NFIB: variants seen among roughly 807,000 people sequenced by gnomAD.
NFIB encodes nuclear factor 1 B-type.
Under a neutral mutation model 61.5 loss-of-function variants are expected in NFIB, and 11 were observed. The observed-to-expected ratio is 0.18, with a 90% confidence interval of 0.11 to 0.30. The LOEUF is 0.30. Among genes scored for constraint, NFIB ranks in the 10% least tolerant of loss-of-function variants. The pLI is 1.00. For missense variants in NFIB, 471 were observed against 608.9 expected, an observed-to-expected ratio of 0.77 and a Z score of 2.38; for synonymous variants, 260 against 216.5, an observed-to-expected ratio of 1.20 and a Z score of -1.76.
intron 2 of NFIB, among the ~76,000 whole-genome samples, chr9:14,231,216 G>C (rs1344904260): frequency 1.4e-5 from 2 of 144,968 alleles, no homozygotes; most frequent in African/African-American, 5.1e-5. Context: ...AAGCATGCTG[G>C]GAGAATTCAC....
intron 1 of NFIB, among the ~76,000 whole-genome samples, chr9:14,372,565 T>G (rs2132975547): frequency 6.6e-6 from 1 of 152,354 alleles, no homozygotes; most frequent in Non-Finnish European, 1.5e-5. Context: ...AAAGCTAGCC[T>G]TATTCTCTAA....
the NFIB span, among the ~76,000 whole-genome samples, chr9:14,447,852 C>T: frequency 2.6e-5 from 4 of 152,120 alleles, no homozygotes; most frequent in South Asian, 8.3e-4. Flanking sequence ...GCTGAAAGTT[C>T]TTTTCTTTTT....
chr9:14,455,915 G>T, the NFIB span, among the ~76,000 whole-genome samples: 3 of 152,118 alleles, frequency 2.0e-5, no homozygotes, highest in African/African-American at 7.2e-5. Context: ...ATCAATGGGA[G>T]AGTTTTGAAA....
chr9:14,147,838 T>C (rs1055147719), intron 5 of NFIB, among the ~76,000 whole-genome samples: 1 of 151,848 alleles, frequency 6.6e-6, no homozygotes, highest in Non-Finnish European at 1.5e-5. Flanking sequence ...GATGGGGTTT[T>C]GCTATTTTGC....
intron 2 of NFIB, among the ~76,000 whole-genome samples, chr9:14,198,748 A>T (rs2890984): frequency 0.87 from 132,064 of 152,252 alleles, 57,492 homozygotes; most frequent in South Asian, 0.93. Flanking sequence ...CCAGTGTACA[A>T]GGGACTTGGC....
intron 2 of NFIB, among the ~76,000 whole-genome samples, chr9:14,253,978 C>A (rs36008893): frequency 0.031 from 4,720 of 152,252 alleles, 105 homozygotes; most frequent in Non-Finnish European, 0.049. Context: ...CAGCACTTGA[C>A]AAAACCCGTC....
At chr9:14,507,695 C>G in the NFIB span, among the ~76,000 whole-genome samples, 2 of 152,128 alleles carry the variant, frequency 1.3e-5, no homozygotes, top group Non-Finnish European at 2.9e-5. Context: ...GCGCAAGGAA[C>G]TGGCAGAGTG....
intron 2 of NFIB, among the ~76,000 whole-genome samples, chr9:14,287,314 C>T (rs965251044): frequency 3.3e-5 from 5 of 150,134 alleles, no homozygotes; most frequent in Non-Finnish European, 5.9e-5. Context: ...ACCTGTAGTC[C>T]CAGCTACTAG....
At chr9:14,339,568 T>C (rs2060925914) in intron 1 of NFIB, among the ~76,000 whole-genome samples, 1 of 152,228 alleles carries the variant, frequency 6.6e-6, no homozygotes, top group South Asian at 2.1e-4. Context: ...GCAACACCTC[T>C]AAATTTACTA....
At chr9:14,515,548 TG>T in the NFIB span, among the ~76,000 whole-genome samples, 2 of 152,102 alleles carry the variant, frequency 1.3e-5, no homozygotes, top group Non-Finnish European at 2.9e-5. Context: ...CAGAGTCACC[TG>T]GGGCCTCACC....
intron 2 of NFIB, among the ~76,000 whole-genome samples, chr9:14,286,168 T>C (rs1045939458): frequency 6.6e-6 from 1 of 152,176 alleles, no homozygotes; most frequent in African/African-American, 2.4e-5. Context: ...CACATTCTAT[T>C]ATTCTTTAAT....
intron 2 of NFIB, among the ~76,000 whole-genome samples, chr9:14,261,396 G>A (rs1471775382): frequency 6.6e-6 from 1 of 152,182 alleles, no homozygotes. Context: ...CAAACCTTTT[G>A]TTTGAAGATA....
Position 14,287,353 on chromosome 9 carries a change from C to A in NFIB, c.562+19636G>T, listed in dbSNP as rs2064855871. On this transcript the variant is annotated intron_variant, in intron 2 of 10. Transcript: ENST00000380953. ...GGCTGAGGCAGGAGAATGGTGTGAA[C>A]CCGGGAGGCGGCTTGCAGTGAGCTG... Among the ~76,000 whole-genome samples, 3 of 36,642 alleles carry A rather than the reference C, an allele frequency of 8.2e-5. No individual in the cohort carries two copies. In the South Asian group the frequency reaches 3.6e-3, roughly 45 times the overall value. The allele number at this position is 36,642 out of a possible 152,430, so 24.0% of individuals were successfully genotyped here. A position where few individuals can be genotyped will look rare whatever the true frequency, so the allele number is the denominator to read the frequency against.
intron 2 of NFIB, among the ~76,000 whole-genome samples, chr9:14,296,220 T>C (rs115118560): frequency 3.2e-4 from 49 of 152,366 alleles, no homozygotes; most frequent in African/African-American, 1.1e-3. Context: ...TCATATATAG[T>C]AGTAATTGCT....
At position 14,307,794 on chromosome 9, in the gene NFIB, A is replaced by T; in HGVS notation, c.31-274T>A. ...ATATTTTGTATTACACTCTGGCCCC[A>T]TCCCCCTTGTTTCCACCCCAATGCC... On this transcript the variant is annotated intron_variant, in intron 1 of 10. Transcript: ENST00000380953. The surrounding 1 kb of genome is among the most constrained non-coding windows in gnomAD (Gnocchi z 5.3). The T allele has an allele frequency of 3.4e-6, 1 of 293,630 alleles. No individual in the cohort carries two copies. The highest frequency in any genetic ancestry group is 7.6e-5 in the South Asian group (1 of 13,098). 18.2% of individuals were successfully genotyped at this position (293,630 alleles called of 1,614,324 possible).
In NFIB at chr9:14,082,668, GT is replaced by G. The variant is rs35029845; in HGVS notation, c.*5640del. The G allele has an allele frequency of 0.01, 1,772 of 173,022 alleles. 5 individuals carry two copies. Among genetic ancestry groups the G allele is most frequent in the East Asian group, 0.026 (273 of 10,694 alleles). The allele number at this position is 173,022 out of a possible 1,614,324, so 10.7% of individuals were successfully genotyped here. A position where few individuals can be genotyped will look rare whatever the true frequency, so the allele number is the denominator to read the frequency against. On this transcript the variant is annotated 3_prime_UTR_variant, in exon 11 of 11. Coordinates refer to ENST00000380953, the MANE Select transcript of NFIB (RefSeq NM_001190737.2). Reference sequence around the variant, plus strand: ...GAGTTTTTTGGTAAACATTTTGCTGGTTTTTTTTTTTTGTTTGTTTCTTTCT... The same window carrying G: ...GAGTTTTTTGGTAAACATTTTGCTGGTTTTTTTTTTTGTTTGTTTCTTTCT...
chr9:14,390,625 G>C (rs1201269218), intron 1 of NFIB, among the ~76,000 whole-genome samples: 1 of 152,208 alleles, frequency 6.6e-6, no homozygotes, highest in Non-Finnish European at 1.5e-5. Flanking sequence ...GATGTTATTT[G>C]GAGGTGAAGC....
the NFIB span, among the ~76,000 whole-genome samples, chr9:14,473,386 G>A: frequency 6.6e-6 from 1 of 150,836 alleles, no homozygotes; most frequent in African/African-American, 2.4e-5. Context: ...TATTTTCAGA[G>A]AAGAAAGCCA....
intron 2 of NFIB, among the ~76,000 whole-genome samples, chr9:14,216,581 T>C (rs896597401): frequency 7.4e-6 from 1 of 135,064 alleles, no homozygotes; most frequent in Non-Finnish European, 1.7e-5. Context: ...TGTGTGTGTG[T>C]GTGTGTGTGT....
Sources: allele counts gnomAD v4.1 joint callset (sites outside exome capture counted in the v4.1 genomes callset), GRCh38; gene constraint gnomAD v4.1.1; non-coding constraint Gnocchi (gnomAD v3.1); transcripts MANE v1.5; gene names NCBI Gene and HGNC (gene_info 2026-07-23, HGNC 2026-07-21).